The following TAFA1 variants were observed in gnomAD, a reference collection of about 807,000 sequenced individuals.
TAFA1 encodes chemokine-like protein TAFA-1.
Under a neutral mutation model 18.5 loss-of-function variants are expected in TAFA1, and 4 were observed. That is an observed-to-expected ratio of 0.22 (90% confidence interval 0.11 to 0.49). TAFA1 has a LOEUF of 0.49. TAFA1 is among the 20% of genes least tolerant of loss of function. The pLI is 0.98. For synonymous variants in TAFA1, 56 were observed against 55.2 expected, an observed-to-expected ratio of 1.01 and a Z score of -0.06; for missense variants, 147 against 169.0, an observed-to-expected ratio of 0.87 and a Z score of 0.72.
At chr3:68,480,163 C>T (rs1334937116) in intron 3 of TAFA1, among the ~76,000 whole-genome samples, 1 of 149,312 alleles carries the variant, frequency 6.7e-6, no homozygotes. Flanking sequence ...GAGGCCAGGG[C>T]AGGTGGATCA....
At chr3:68,336,272 G>C (rs1489677176) in intron 2 of TAFA1, among the ~76,000 whole-genome samples, 2 of 152,170 alleles carry the variant, frequency 1.3e-5, no homozygotes, top group Non-Finnish European at 2.9e-5. Context: ...CGGGAACTGG[G>C]CTTCAGTATC....
chr3:68,481,770 T>C (rs981287869), intron 3 of TAFA1, among the ~76,000 whole-genome samples: 6 of 152,170 alleles, frequency 3.9e-5, no homozygotes, highest in Non-Finnish European at 7.3e-5. Flanking sequence ...AATTTAGAGA[T>C]TTGTCTCTAA....
chr3:68,322,475 T>C (rs1247501621), intron 2 of TAFA1, among the ~76,000 whole-genome samples: 1 of 152,132 alleles, frequency 6.6e-6, no homozygotes, highest in Non-Finnish European at 1.5e-5. Flanking sequence ...TCCACTTTAT[T>C]AGGAGACCCA....
At chr3:68,437,870 T>C (rs2071291344) in intron 3 of TAFA1, among the ~76,000 whole-genome samples, 1 of 152,064 alleles carries the variant, frequency 6.6e-6, no homozygotes, top group Admixed American at 6.6e-5. Flanking sequence ...AGCCCTAAAG[T>C]CTTAACTTGT....
chr3:68,382,618 T>G (rs1400702499), intron 2 of TAFA1, among the ~76,000 whole-genome samples: 1 of 152,056 alleles, frequency 6.6e-6, no homozygotes, highest in African/African-American at 2.4e-5. Context: ...TTTGCAGCCC[T>G]GTATTATAGT....
At chr3:67,998,571 TGCTGGA>T in the TAFA1 span, among the ~76,000 whole-genome samples, 1 of 152,206 alleles carries the variant, frequency 6.6e-6, no homozygotes, top group Non-Finnish European at 1.5e-5. Flanking sequence ...ACAAGTAATT[TGCTGGA>T]GGAAGCTAGG....
At chr3:68,000,151 T>G (rs907859884), upstream of TAFA1, among the ~76,000 whole-genome samples, 2 of 152,194 alleles carry the variant, frequency 1.3e-5, no homozygotes, top group East Asian at 3.8e-4. Flanking sequence ...GAATTAGTAT[T>G]TTATTTTTGA....
At chr3:68,040,190 G>T (rs1431302583) in intron 2 of TAFA1, among the ~76,000 whole-genome samples, 1 of 152,072 alleles carries the variant, frequency 6.6e-6, no homozygotes, top group Non-Finnish European at 1.5e-5. Flanking sequence ...TTTGTAACTG[G>T]ACCTTAAGTC....
intron 2 of TAFA1, among the ~76,000 whole-genome samples, chr3:68,059,965 G>A (rs1301532636): frequency 6.6e-6 from 1 of 152,004 alleles, no homozygotes; most frequent in East Asian, 1.9e-4. Flanking sequence ...TCCTCTGGGG[G>A]CTAGAGGAGC....
intron 2 of TAFA1, among the ~76,000 whole-genome samples, chr3:68,176,604 A>C (rs1416219612): frequency 1.3e-5 from 2 of 152,216 alleles, no homozygotes; most frequent in African/African-American, 4.8e-5. Context: ...CCATTTTGAT[A>C]TCATACTCAT....
chr3:68,412,231 G>A (rs2070732604), intron 2 of TAFA1, among the ~76,000 whole-genome samples: 2 of 152,084 alleles, frequency 1.3e-5, no homozygotes, highest in African/African-American at 4.8e-5. Flanking sequence ...ATGACAGCAT[G>A]TACGTCAGGG....
intron 2 of TAFA1, among the ~76,000 whole-genome samples, chr3:68,087,575 C>T (rs910902840): frequency 2.1e-5 from 3 of 141,222 alleles, no homozygotes; most frequent in Admixed American, 7.1e-5. Flanking sequence ...TCCCTCCTTC[C>T]GTCCTTCCTT....
intron 2 of TAFA1, among the ~76,000 whole-genome samples, chr3:68,296,294 A>G (rs1258425384): frequency 6.6e-6 from 1 of 152,182 alleles, no homozygotes; most frequent in Non-Finnish European, 1.5e-5. Flanking sequence ...TCCACATGGT[A>G]TCCTGTTGAA....
At chr3:68,502,671 T>C (rs1178854063) in intron 3 of TAFA1, among the ~76,000 whole-genome samples, 1 of 152,064 alleles carries the variant, frequency 6.6e-6, no homozygotes, top group South Asian at 2.1e-4. Context: ...CAGCCCCATG[T>C]ACTTTTGATC....
intron 2 of TAFA1, among the ~76,000 whole-genome samples, chr3:68,356,312 A>G (rs2069363316): frequency 6.6e-6 from 1 of 151,904 alleles, no homozygotes; most frequent in Non-Finnish European, 1.5e-5. Context: ...CATATATATT[A>G]TATGATTAAA....
chr3:68,436,550 G>A (rs1022511130), intron 3 of TAFA1, among the ~76,000 whole-genome samples: 35 of 152,106 alleles, frequency 2.3e-4, no homozygotes, highest in Non-Finnish European at 4.7e-4. Context: ...TTTCTTTCTT[G>A]AGCTCCAGGC....
chr3:68,412,791 C>G (rs1247389077), intron 2 of TAFA1, among the ~76,000 whole-genome samples: 2 of 152,154 alleles, frequency 1.3e-5, no homozygotes, highest in African/African-American at 2.4e-5. Flanking sequence ...GGACATTTGG[C>G]TTGGTTCCAA....
intron 2 of TAFA1, among the ~76,000 whole-genome samples, chr3:68,133,465 C>A (rs2065568019): frequency 1.3e-5 from 2 of 152,084 alleles, no homozygotes; most frequent in Non-Finnish European, 2.9e-5. Flanking sequence ...GGCAGTATGG[C>A]CATTTTCACA....
chr3:68,504,694 A>G (rs2072717591), intron 3 of TAFA1, among the ~76,000 whole-genome samples: 1 of 151,988 alleles, frequency 6.6e-6, no homozygotes. Flanking sequence ...CCACAAATTT[A>G]CCATCCAACC....
Sources: gnomAD v4.1 joint callset for allele counts (sites outside exome capture counted in the v4.1 genomes callset) on GRCh38, gnomAD v4.1.1 for gene constraint, MANE v1.5 for transcripts, NCBI Gene and HGNC (gene_info 2026-07-23, HGNC 2026-07-21) for gene names.